Variants in DNHD1 observed in about 807,000 individuals in gnomAD.
DNHD1 encodes dynein heavy chain domain 1.
Under a neutral mutation model 458.1 loss-of-function variants are expected in DNHD1, and 383 were observed. That is an observed-to-expected ratio of 0.84 (90% CI 0.77 to 0.91). The LOEUF (loss-of-function observed/expected upper bound fraction) is 0.91. Among genes scored for constraint, DNHD1 ranks in the 40% least tolerant of loss-of-function variants. DNHD1 has a pLI of 0.00. For synonymous variants in DNHD1, 2,203 were observed against 2,376.9 expected, an observed-to-expected ratio of 0.93 and a Z score of 2.13; for missense variants, 5,336 against 5,866.1, an observed-to-expected ratio of 0.91 and a Z score of 2.95.
Position 6,545,926 on chromosome 11 carries a change from A to G in DNHD1, c.4987A>G (p.Ser1663Gly). 2 of 1,551,794 alleles carry G rather than the reference A, an allele frequency of 1.3e-6. No individual in the cohort carries two copies. Among genetic ancestry groups the G allele is most frequent in the South Asian group, 1.2e-5 (1 of 84,064 alleles). Residue 1663 changes from serine (S) to glycine (G), a missense_variant, in exon 21 of 43, where the codon AGC (serine) becomes GGC (glycine). By Grantham distance (56) the Ser-to-Gly change is moderately conservative. This residue lies in a region of DNHD1 where 3,932 missense variants were observed against 4,365.6 expected (regional missense o/e 0.90). Transcript: ENST00000254579. The surrounding 1 kb of genome is among the most constrained non-coding windows in gnomAD (Gnocchi z 4.9). Reference protein sequence around the residue: ...YLGPRLGPLPSLLPERPALVL... With the variant: ...YLGPRLGPLPGLLPERPALVL... Reference sequence around the variant, plus strand: ...GGGACCTAGACTAGGGCCTCTACCCAGCCTACTGCCTGAACGGCCAGCCCT... The same window carrying G: ...GGGACCTAGACTAGGGCCTCTACCCGGCCTACTGCCTGAACGGCCAGCCCT...
chr11:6,512,504 G>C (rs1022563676), intron 7 of DNHD1, among the ~76,000 whole-genome samples: 1 of 151,886 alleles, frequency 6.6e-6, no homozygotes, highest in African/African-American at 2.4e-5. Flanking sequence ...TTACAGGTGT[G>C]AACCACCGCG....
rs1852566748 is a variant in DNHD1, at chr11:6,519,796, A to G, written c.1589A>G (p.Gln530Arg). The change falls in exon 8 of 43, where the codon CAG becomes CGG. Residue 530 changes from glutamine to arginine, a missense_variant. Physicochemically the swap from Gln to Arg is conservative, Grantham distance 43 (BLOSUM62 1). This residue lies in a region of DNHD1 where 3,932 missense variants were observed against 4,365.6 expected (regional missense o/e 0.90). Coordinates refer to ENST00000254579, the MANE Select transcript of DNHD1 (RefSeq NM_144666.3). ...FARLVDYMICQSLISVLEEQI... is the reference protein window; with the variant it reads ...FARLVDYMICRSLISVLEEQI... ...CGCCTGGTTGACTACATGATTTGTC[A>G]GAGCCTCATTTCTGTCTTGGAAGAG... 1 of 1,613,458 alleles carries G rather than the reference A, an allele frequency of 6.2e-7. No individual in the cohort carries two copies. The highest frequency in any genetic ancestry group is 1.7e-5 in the Admixed American group (1 of 60,002).
rs763229999 is a variant in DNHD1 at position 6,544,186 on chromosome 11, G to A, written c.3694G>A (p.Glu1232Lys). ...LQVLSKILAI[E>K]KSGDLNKIAL... The stretch of plus-strand genomic sequence containing the variant: ...GGTGTTGTCCAAGATCTTGGCCATC[G>A]AAAAGTCAGGAGATTTAAACAAAAT... Residue 1232 changes from glutamate (E) to lysine (K), a missense_variant, in exon 19 of 43, where the codon GAA (glutamate) becomes AAA (lysine). By Grantham distance (56) the Glu-to-Lys change is moderately conservative. Transcript: ENST00000254579. 6.6e-5 allele frequency: 103 copies of A among 1,551,546 alleles called. 1 individual carries two copies. The South Asian group carries it at 1.1e-3, about 17-fold the overall frequency.
At chr11:6,521,499 G>A (rs1329558285) in intron 10 of DNHD1, among the ~76,000 whole-genome samples, 1 of 152,144 alleles carries the variant, frequency 6.6e-6, no homozygotes, top group Non-Finnish European at 1.5e-5. Context: ...ATGTTTAGGG[G>A]TGAAATGTCA....
intron 12 of DNHD1, among the ~76,000 whole-genome samples, chr11:6,532,523 T>C (rs765916518): frequency 9.9e-5 from 15 of 152,216 alleles, no homozygotes; most frequent in Non-Finnish European, 1.9e-4. Context: ...AGAATACTTT[T>C]ATGTCTGCTA....
At chr11:6,531,198 ACT>A (rs1269677224) in intron 12 of DNHD1, among the ~76,000 whole-genome samples, 2 of 152,056 alleles carry the variant, frequency 1.3e-5, no homozygotes, top group African/African-American at 4.8e-5. Context: ...CTCTGACTTA[ACT>A]CTGTCGTTTC....
In DNHD1 at chr11:6,566,735, A is replaced by T. The variant is rs776778937; in HGVS notation, c.11355A>T (p.Leu3785=). ...TRWQDLKIRA[L]DTCKAVEAAE... ...GGCAGGACCTAAAGATCAGAGCCCT[A>T]GATACCTGCAAGGCTGTGGAGGCTG... The change falls in exon 35 of 43, where the codon CTA becomes CTT. Residue 3785 remains leucine, a synonymous_variant. Transcript: ENST00000254579. 7 of 1,611,296 alleles carry T rather than the reference A, an allele frequency of 4.3e-6. No homozygotes were observed. In the African/African-American group the frequency reaches 5.3e-5, roughly 12 times the overall value.
At position 6,544,954 on chromosome 11, in the gene DNHD1, G is replaced by A; in HGVS notation, c.4015G>A (p.Glu1339Lys). Reference protein sequence around the residue: ...QLLQAGSVELEGIIMSLESVL... With the variant: ...QLLQAGSVELKGIIMSLESVL... ...GCTGCAAGCAGGATCGGTGGAGCTG[G>A]AGGGCATCATCATGAGTCTGGAGAG... Residue 1339 changes from glutamate to lysine, a missense_variant, in exon 21 of 43, where the codon GAG becomes AAG. Around this residue, in one of 4 missense-constraint regions of DNHD1, gnomAD observed 3,932 missense variants for 4,365.6 expected, o/e 0.90. Transcript: ENST00000254579. 1.3e-6 allele frequency: 2 copies of A among 1,551,764 alleles called. No homozygotes were observed. Among genetic ancestry groups the A allele is most frequent in the Non-Finnish European group, 1.7e-6 (2 of 1,147,004 alleles).
At position 6,529,084 on chromosome 11, in the gene DNHD1, G is replaced by A; in HGVS notation, c.2310G>A (p.Leu770=). The A allele has an allele frequency of 6.4e-7, 1 of 1,550,400 alleles. No individual in the cohort carries two copies. The highest frequency in any genetic ancestry group is 8.7e-7 in the Non-Finnish European group (1 of 1,146,924). Residue 770 remains leucine, a synonymous_variant, in exon 12 of 43, where the codon TTG becomes TTA. Transcript: ENST00000254579. ...MPIELLTKGG[L]LLLSCHDVQA... ...TCGAGTTGCTCACAAAAGGCGGGTT[G>A]CTGCTACTTAGCTGCCATGATGTAC... is the stretch of plus-strand genomic sequence containing the variant.
At position 6,546,036 on chromosome 11, in the gene DNHD1, C is replaced by T. The variant is rs548214681; in HGVS notation, c.5097C>T (p.Ser1699=). The change falls in exon 21 of 43, where the codon AGC becomes AGT. Residue 1699 remains serine, a synonymous_variant. Transcript: ENST00000254579. ...TGGGCAAGAGAGCTATAGTGAACAG[C>T]CTGGCACAGGCCCTGGGCCGCCAGC... is the stretch of plus-strand genomic sequence containing the variant. ...NGVGKRAIVN[S]LAQALGRQLV... 1 of 1,551,438 alleles carries T rather than the reference C, an allele frequency of 6.4e-7. No individual in the cohort carries two copies. Among genetic ancestry groups the T allele is most frequent in the Admixed American group, 2.0e-5 (1 of 51,002 alleles).
intron 12 of DNHD1, among the ~76,000 whole-genome samples, chr11:6,531,917 C>T (rs1852836068): frequency 6.6e-6 from 1 of 152,000 alleles, no homozygotes; most frequent in Non-Finnish European, 1.5e-5. Context: ...ATAACATAAA[C>T]ATGTTTATAT....
intron 18 of DNHD1, among the ~76,000 whole-genome samples, chr11:6,543,835 C>T (rs1353344305): frequency 6.6e-6 from 1 of 151,986 alleles, no homozygotes; most frequent in Non-Finnish European, 1.5e-5. Context: ...GTGGCACACA[C>T]CTGTAATCCC....
Position 6,533,740 on chromosome 11 carries a change from A to G in DNHD1, c.2565A>G (p.Ala855=). 6.4e-7 allele frequency: 1 copy of G among 1,551,256 alleles called. No homozygotes were observed. Among genetic ancestry groups the G allele is most frequent in the South Asian group, 1.2e-5 (1 of 84,034 alleles). ...ELEERMEYVR[A]LHELIRNHFS... ...AGGAGCGAATGGAATACGTACGGGC[A>G]CTCCACGAACTCATCCGCAACCACT... The change falls in exon 14 of 43, where the codon GCA becomes GCG. Residue 855 remains alanine, a synonymous_variant. Transcript: ENST00000254579.
rs966578163 is a variant in DNHD1, at chr11:6,533,778, G to A, written c.2603G>A (p.Ser868Asn). ...ELIRNHFSLF[S>N]AENEALDISV... ...ATCCGCAACCACTTTAGCCTCTTTA[G>A]TGCTGAGAATGAAGCACTGGACATC... is the stretch of plus-strand genomic sequence containing the variant. Residue 868 changes from serine (S) to asparagine (N), a missense_variant, in exon 14 of 43, where the codon AGT (serine) becomes AAT (asparagine). By Grantham distance (46) the Ser-to-Asn change is conservative. Coordinates refer to ENST00000254579, the MANE Select transcript of DNHD1 (RefSeq NM_144666.3). The A allele has an allele frequency of 9.7e-6, 15 of 1,551,434 alleles. No individual in the cohort carries two copies. The African/African-American group carries it at 1.9e-4, about 20-fold the overall frequency.
Position 6,528,743 on chromosome 11 carries a change from C to G in DNHD1, c.2059C>G (p.Pro687Ala). 6.4e-7 allele frequency: 1 copy of G among 1,551,724 alleles called. No individual in the cohort carries two copies. The highest frequency in any genetic ancestry group is 8.7e-7 in the Non-Finnish European group (1 of 1,147,014). ...KQLEEDLDNN[P>A]KIQQALNIQQ... is the part of the protein sequence containing the mutation. ...GCTGGAGGAAGACCTGGACAACAAC[C>G]CTAAGATCCAGCAGGCACTGAATAT... The change falls in exon 11 of 43, where the codon CCT becomes GCT. Residue 687 changes from proline to alanine, a missense_variant. Pro to Ala is a conservative substitution (Grantham distance 27, BLOSUM62 -1). Transcript: ENST00000254579.
chr11:6,510,740 T>C (rs1852320956), intron 6 of DNHD1, among the ~76,000 whole-genome samples: 1 of 152,250 alleles, frequency 6.6e-6, no homozygotes, highest in African/African-American at 2.4e-5. Context: ...ATGCCCATTG[T>C]GACCATCCTG....
intron 7 of DNHD1, among the ~76,000 whole-genome samples, chr11:6,512,380 C>T (rs1166127863): frequency 2.6e-5 from 4 of 151,678 alleles, no homozygotes; most frequent in African/African-American, 9.7e-5. Context: ...ACCACCATGC[C>T]CGGCTAATTT....
At position 6,557,576 on chromosome 11, in the gene DNHD1, A is replaced by T. The variant is rs552261991; in HGVS notation, c.8281A>T (p.Lys2761Ter). ...PSIGPVSRGM[K>*]ESISHKIRQE... Reference sequence around the variant, plus strand: ...CATAGGACCAGTAAGCAGGGGGATGAAGGAAAGCATAAGTCACAAGATAAG... The same window carrying T: ...CATAGGACCAGTAAGCAGGGGGATGTAGGAAAGCATAAGTCACAAGATAAG... The change falls in exon 25 of 43, where the codon AAG (lysine) becomes TAG (stop). Residue 2761 changes from lysine to a stop codon, truncating the protein, a stop_gained. Coordinates refer to ENST00000254579, the MANE Select transcript of DNHD1 (RefSeq NM_144666.3). LOFTEE classifies it high-confidence loss of function. The T allele has an allele frequency of 6.4e-7, 1 of 1,551,788 alleles. No individual in the cohort carries two copies. The highest frequency in any genetic ancestry group is 2.0e-5 in the Admixed American group (1 of 51,016).
rs1213732795 is a variant in DNHD1, at chr11:6,571,297, A to G, written c.13785A>G (p.Ala4595=). 6.2e-7 allele frequency: 1 copy of G among 1,612,454 alleles called. No homozygotes were observed. The highest frequency in any genetic ancestry group is 1.7e-5 in the Admixed American group (1 of 59,952). The change falls in exon 42 of 43, where the codon GCA becomes GCG. Residue 4595 remains alanine (A), a synonymous_variant. Coordinates refer to ENST00000254579, the MANE Select transcript of DNHD1 (RefSeq NM_144666.3). The surrounding 1 kb of genome is among the most constrained non-coding windows in gnomAD (Gnocchi z 5.0). ...AFRHPRRLLL[A]LRGEAALDQN... Reference sequence around the variant, plus strand: ...GCCACCCGCGCCGCCTGCTGCTGGCATTGCGTGGGGAAGCTGCCCTGGACC... The same window carrying G: ...GCCACCCGCGCCGCCTGCTGCTGGCGTTGCGTGGGGAAGCTGCCCTGGACC...
Sources: gnomAD v4.1 joint callset for allele counts (sites outside exome capture counted in the v4.1 genomes callset) on GRCh38, gnomAD v4.1.1 for gene constraint, gnomAD v4.1.1 regional missense constraint, Gnocchi (gnomAD v3.1) non-coding constraint, MANE v1.5 for transcripts, NCBI Gene and HGNC (gene_info 2026-07-23, HGNC 2026-07-21) for gene names.